Variants in POLK observed in about 807,000 individuals in gnomAD.
POLK encodes DNA polymerase kappa, also known as polymerase (DNA directed) kappa.
POLK carries 76 observed loss-of-function variants against 94.0 expected under a neutral mutation model. The ratio of observed to expected loss-of-function variants is 0.81; its 90% CI spans 0.67 to 0.98. The LOEUF (loss-of-function observed/expected upper bound fraction) is 0.98. Among genes scored for constraint, POLK ranks in the 50% least tolerant of loss-of-function variants. The probability of loss-of-function intolerance (pLI) is 0.00; values close to 1 mark genes in which losing one functional copy is unlikely to be tolerated. For synonymous variants in POLK, 349 were observed against 325.4 expected (o/e 1.07, Z -0.78); for missense variants, 954 against 1,010.1 (o/e 0.94, Z 0.75).
At chr5:75,579,545 A>G (rs1772092071) in intron 6 of POLK, among the ~76,000 whole-genome samples, 1 of 151,022 alleles carries the variant, frequency 6.6e-6, no homozygotes, top group Admixed American at 6.6e-5. Context: ...TTTAGTAGAG[A>G]TGGGGTTTCA....
chr5:75,590,090 C>A (rs1175448562), intron 10 of POLK, among the ~76,000 whole-genome samples: 1 of 152,024 alleles, frequency 6.6e-6, no homozygotes, highest in African/African-American at 2.4e-5. Context: ...TTTTAATTAT[C>A]TTTTTTGTGA....
chr5:75,538,938 T>G (rs1311850624), intron 1 of POLK, among the ~76,000 whole-genome samples: 1 of 152,008 alleles, frequency 6.6e-6, no homozygotes. Flanking sequence ...GCCCAGCCAA[T>G]TTTTTGTATT....
At chr5:75,569,229 G>T (rs1437514092) in intron 3 of POLK, 111 bp from the exon 4 acceptor site, 2 of 686,856 alleles carry the variant, frequency 2.9e-6, no homozygotes, top group East Asian at 5.5e-5. Flanking sequence ...GGATGAATGG[G>T]TGTGTGGACA....
chr5:75,576,432 C>T (rs369717588), intron 5 of POLK, among the ~76,000 whole-genome samples: 2 of 152,106 alleles, frequency 1.3e-5, no homozygotes, highest in South Asian at 2.1e-4. Context: ...CAGCTTCTGA[C>T]GAGCTACCTA....
intron 1 of POLK, among the ~76,000 whole-genome samples, chr5:75,537,590 G>GC (rs916662529): frequency 5.3e-5 from 8 of 152,128 alleles, no homozygotes; most frequent in African/African-American, 1.4e-4. Context: ...TGCCATCTTG[G>GC]CCCCCCTAAC....
intron 4 of POLK, among the ~76,000 whole-genome samples, chr5:75,570,134 A>G (rs1484148619): frequency 6.6e-6 from 1 of 152,226 alleles, no homozygotes; most frequent in African/African-American, 2.4e-5. Context: ...ATTGTCTTCC[A>G]CGAAACCAGT....
the POLK span, among the ~76,000 whole-genome samples, chr5:75,607,357 A>G: frequency 1.6e-4 from 24 of 151,756 alleles, no homozygotes; most frequent in Non-Finnish European, 3.4e-4. Flanking sequence ...GATCCCAGCT[A>G]CTCAGGAGGC....
In POLK at chr5:75,559,505, G is replaced by GTTTTTTTTTT. The variant is rs1561371144; in HGVS notation, c.255+6921_255+6922insTTTTTTTTTT. On this transcript the variant is annotated intron_variant, in intron 3 of 14. Coordinates refer to ENST00000241436, the Ensembl canonical transcript of POLK. Reference sequence around the variant, plus strand: ...TTGGCAATTTATTGATTTGGGGTTTGTTTTTTTGTTTTGTTTTGTTTTTTT... The same window carrying GTTTTTTTTTT: ...TTGGCAATTTATTGATTTGGGGTTTGTTTTTTTTTTTTTTTTTGTTTTGTTTTGTTTTTTT... Among the ~76,000 whole-genome samples the GTTTTTTTTTT allele has an allele frequency of 9.1e-4, 64 of 70,102 alleles. 8 individuals are homozygous for GTTTTTTTTTT. The highest frequency in any genetic ancestry group is 1.3e-3 in the East Asian group (3 of 2,312). The allele number at this position is 70,102 out of a possible 152,430, so 46.0% of individuals were successfully genotyped here. A position where few individuals can be genotyped will look rare whatever the true frequency, so the allele number is the denominator to read the frequency against.
At chr5:75,512,815 G>A (rs1365023846) in intron 1 of POLK, 1 of 152,206 alleles carries the variant, frequency 6.6e-6, no homozygotes, top group East Asian at 1.9e-4. Flanking sequence ...GGGACGATAG[G>A]AGCGAAATTT....
At chr5:75,578,679 A>G (rs775684739) in intron 6 of POLK, among the ~76,000 whole-genome samples, 1 of 152,316 alleles carries the variant, frequency 6.6e-6, no homozygotes, top group Non-Finnish European at 1.5e-5. Flanking sequence ...GAAATTGTCA[A>G]TAGTGCATTG....
intron 1 of POLK, among the ~76,000 whole-genome samples, chr5:75,540,374 G>T (rs117155167): frequency 6.6e-6 from 1 of 151,238 alleles, no homozygotes; most frequent in African/African-American, 2.4e-5. Flanking sequence ...TGGCATAACC[G>T]TGGCTGACTG....
downstream of POLK, among the ~76,000 whole-genome samples, chr5:75,602,781 C>T (rs78250038): frequency 0.063 from 9,604 of 152,238 alleles, 431 homozygotes; most frequent in Non-Finnish European, 0.088. Context: ...TTTTTAATAT[C>T]AGTCTTTACA....
chr5:75,528,082 A>G (rs940821253), intron 1 of POLK, among the ~76,000 whole-genome samples: 6 of 152,222 alleles, frequency 3.9e-5, no homozygotes, highest in Admixed American at 1.3e-4. Context: ...ACACATCATG[A>G]TGGCATGGAA....
At chr5:75,522,368 G>A (rs1396671848) in intron 1 of POLK, among the ~76,000 whole-genome samples, 1 of 152,096 alleles carries the variant, frequency 6.6e-6, no homozygotes, top group Non-Finnish European at 1.5e-5. Context: ...ACATATTTGA[G>A]TTCTGGGCTA....
At position 75,524,451 on chromosome 5, in the gene POLK, T is replaced by A. The variant is rs375896542; in HGVS notation, c.-14+12537T>A. Reference sequence around the variant, plus strand: ...GAGAAGTCAGTGCTGTCAGCAAACATCTGTTTAAACATGTGGAATAGCTGT... The same window carrying A: ...GAGAAGTCAGTGCTGTCAGCAAACAACTGTTTAAACATGTGGAATAGCTGT... On this transcript the variant is annotated intron_variant, in intron 1 of 14. Coordinates refer to ENST00000241436, the Ensembl canonical transcript of POLK. Among the ~76,000 whole-genome samples the A allele has an allele frequency of 1.3e-4, 20 of 152,324 alleles. No homozygotes were observed. The East Asian group carries it at 3.5e-3, about 26-fold the overall frequency.
At chr5:75,552,334 C>G (rs1770374609) in intron 2 of POLK, 138 bp from the exon 3 acceptor site, 2 of 666,416 alleles carry the variant, frequency 3.0e-6, no homozygotes, top group Admixed American at 3.4e-5. Context: ...TTAGGGTCAC[C>G]TAGCTAGTAA....
At chr5:75,591,746 G>A (rs1341038146) in intron 11 of POLK, among the ~76,000 whole-genome samples, 1 of 152,170 alleles carries the variant, frequency 6.6e-6, no homozygotes, top group African/African-American at 2.4e-5. Flanking sequence ...CCTTGACAGT[G>A]TTGGGTAGTA....
intron 1 of POLK, among the ~76,000 whole-genome samples, chr5:75,531,732 T>C (rs927188612): frequency 6.6e-6 from 1 of 151,734 alleles, no homozygotes; most frequent in South Asian, 2.1e-4. Context: ...GTGGAGGTTG[T>C]AGTGAGCTGA....
At chr5:75,528,598 G>A (rs999183706) in intron 1 of POLK, among the ~76,000 whole-genome samples, 1 of 151,858 alleles carries the variant, frequency 6.6e-6, no homozygotes, top group East Asian at 1.9e-4. Context: ...GACCACATGA[G>A]GCCAGGAGTT....
Sources: gnomAD v4.1 joint callset for allele counts (sites outside exome capture counted in the v4.1 genomes callset) on GRCh38, gnomAD v4.1.1 for gene constraint, MANE v1.5 for transcripts, NCBI Gene and HGNC (gene_info 2026-07-23, HGNC 2026-07-21) for gene names.